The following LY9 variants were observed in gnomAD, a reference collection of about 807,000 sequenced individuals.
LY9 encodes T-lymphocyte surface antigen Ly-9.
LY9 carries 59 observed loss-of-function variants against 64.6 expected under a neutral mutation model. The observed-to-expected ratio is 0.91, with a 90% CI of 0.74 to 1.13. The LOEUF (loss-of-function observed/expected upper bound fraction) is 1.13, where lower values mean the gene tolerates loss of function less well. Ranked by LOEUF, LY9 falls within the 50% of genes most tolerant of loss-of-function variation. LY9 has a pLI of 0.00. For missense variants in LY9, 789 were observed against 797.2 expected, an observed-to-expected ratio of 0.99 and a Z score of 0.12; for synonymous variants, 281 against 308.5, an observed-to-expected ratio of 0.91 and a Z score of 0.93.
chr1:160,812,865 C>G (rs1667617043), intron 2 of LY9: 1 of 151,472 alleles, frequency 6.6e-6, no homozygotes, highest in South Asian at 2.1e-4. Flanking sequence ...GCAGACAGAT[C>G]ACCTGAGGTC....
rs1202920933 is a variant in LY9 at position 160,814,538 on chromosome 1, G to GC, written c.849_850insC (p.Phe284LeufsTer2). ...GGGACACAGAGAAGGTTGTCTGGTTGTTTAACACATCCATCATTAGCAAAG... is the reference window on the plus strand; with the variant it reads ...GGGACACAGAGAAGGTTGTCTGGTTGCTTTAACACATCCATCATTAGCAAAG... On this transcript the variant is annotated frameshift_variant, in exon 4 of 10. Coordinates refer to ENST00000263285, the MANE Select transcript of LY9 (RefSeq NM_002348.4). LOFTEE classifies it high-confidence loss of function. 3.1e-6 allele frequency: 5 copies of GC among 1,614,038 alleles called. No homozygotes were observed. Among genetic ancestry groups the GC allele is most frequent in the Non-Finnish European group, 4.2e-6 (5 of 1,180,046 alleles).
intron 2 of LY9, chr1:160,802,100 A>G: frequency 7.3e-7 from 1 of 1,379,230 alleles, no homozygotes; most frequent in Admixed American, 3.2e-5. Flanking sequence ...CACGTCGGGA[A>G]CACCGGAGCC....
intron 9 of LY9, among the ~76,000 whole-genome samples, chr1:160,827,531 T>C (rs1668923002): frequency 6.6e-6 from 1 of 152,232 alleles, no homozygotes; most frequent in African/African-American, 2.4e-5. Flanking sequence ...TGTCTTGTGT[T>C]GTCCTTGCAG....
chr1:160,802,039 C>T (rs934740562), intron 2 of LY9: 121 of 1,441,664 alleles, frequency 8.4e-5, no homozygotes, highest in Non-Finnish European at 3.6e-6. Flanking sequence ...CCCCCCGAGG[C>T]TGCTAGACGT....
At chr1:160,821,993 A>G (rs1001802443) in intron 7 of LY9, among the ~76,000 whole-genome samples, 3 of 152,216 alleles carry the variant, frequency 2.0e-5, no homozygotes, top group Non-Finnish European at 2.9e-5. Context: ...ATGGGGTTTT[A>G]GGCAGACTAA....
intron 2 of LY9, chr1:160,811,773 G>T (rs1667494250): frequency 1.3e-5 from 2 of 152,168 alleles, no homozygotes; most frequent in Admixed American, 1.3e-4. Flanking sequence ...TTCTGCTCAT[G>T]ATCACATATG....
rs776366488 is a variant in LY9 at position 160,801,911 on chromosome 1, G to C, written c.454+1829G>C. 3 of 1,613,190 alleles carry C rather than the reference G, an allele frequency of 1.9e-6. No homozygotes were observed. In the African/African-American group the frequency reaches 4.0e-5, roughly 22 times the overall value. ...CTGAGCCACGTGTGAGCGTGCGGGA[G>C]GGCTAGGCCCTCGCCCCCACCTGCC... On this transcript the variant is annotated intron_variant, in intron 2 of 9. Coordinates refer to ENST00000263285, the MANE Select transcript of LY9 (RefSeq NM_002348.4).
At chr1:160,826,040 C>T (rs1668835450) in intron 9 of LY9, among the ~76,000 whole-genome samples, 1 of 152,180 alleles carries the variant, frequency 6.6e-6, no homozygotes, top group South Asian at 2.1e-4. Context: ...TACTAACAGC[C>T]TACTGTTGAC....
At chr1:160,799,670 C>A in intron 1 of LY9, 83 bp from the exon 2 acceptor site, 2 of 821,152 alleles carry the variant, frequency 2.4e-6, no homozygotes, top group Non-Finnish European at 4.0e-6. Context: ...CATTTATGCC[C>A]AATGTATATT....
chr1:160,797,631 A>G (rs1666015615), intron 1 of LY9, among the ~76,000 whole-genome samples: 1 of 152,196 alleles, frequency 6.6e-6, no homozygotes. Context: ...GGATGACCTC[A>G]AATCTCACTC....
At chr1:160,824,895 G>C (rs184281424) in intron 9 of LY9, among the ~76,000 whole-genome samples, 3 of 151,186 alleles carry the variant, frequency 2.0e-5, no homozygotes, top group African/African-American at 7.3e-5. Context: ...CAGGAGAATG[G>C]CGTGAACCCA....
At chr1:160,825,741 C>T (rs1397073203) in intron 9 of LY9, among the ~76,000 whole-genome samples, 1 of 152,184 alleles carries the variant, frequency 6.6e-6, no homozygotes, top group Non-Finnish European at 1.5e-5. Flanking sequence ...AAAACCCCAT[C>T]TCTACTAAAA....
At chr1:160,804,694 T>C (rs932208889) in intron 2 of LY9, among the ~76,000 whole-genome samples, 2 of 152,208 alleles carry the variant, frequency 1.3e-5, no homozygotes, top group Admixed American at 6.5e-5. Flanking sequence ...TTGGTAGAAT[T>C]TGGCTGTGAC....
At chr1:160,820,561 G>T (rs984354832) in intron 7 of LY9, among the ~76,000 whole-genome samples, 4 of 152,124 alleles carry the variant, frequency 2.6e-5, no homozygotes, top group African/African-American at 9.7e-5. Context: ...AGAGACAGGG[G>T]GCAAGGAAGG....
chr1:160,799,803 C>G lies in LY9; in HGVS notation c.175C>G (p.Leu59Val), dbSNP rs913603549. Reference sequence around the variant, plus strand: ...AGCCCCAACAGTGGTGTCAGGGATCCTAGGGGGTTCCGTGACTCTCCCCCT... The same window carrying G: ...AGCCCCAACAGTGGTGTCAGGGATCGTAGGGGGTTCCGTGACTCTCCCCCT... ...DSAPTVVSGI[L>V]GGSVTLPLNI... The change falls in exon 2 of 10, where the codon CTA (leucine) becomes GTA (valine). Residue 59 changes from leucine (L) to valine (V), a missense_variant. Leu to Val is a conservative substitution (Grantham distance 32). Coordinates refer to ENST00000263285, the MANE Select transcript of LY9 (RefSeq NM_002348.4). 2.5e-6 allele frequency: 4 copies of G among 1,613,818 alleles called. No individual in the cohort carries two copies. The highest frequency in any genetic ancestry group is 1.7e-5 in the Admixed American group (1 of 60,018).
At chr1:160,811,175 C>A (rs6427548) in intron 2 of LY9, 57,863 of 152,102 alleles carry the variant, frequency 0.38, 11,850 homozygotes, top group Non-Finnish European at 0.48. Flanking sequence ...CTGCCTACTT[C>A]TGAACTGCCT....
Position 160,818,287 on chromosome 1 carries a change from T to G in LY9, c.1412T>G (p.Phe471Cys). Residue 471 changes from phenylalanine (F) to cysteine (C), a missense_variant, in exon 6 of 10, where the codon TTC becomes TGC. Physicochemically the swap from Phe to Cys is radical, Grantham distance 205. Coordinates refer to ENST00000263285, the MANE Select transcript of LY9 (RefSeq NM_002348.4). ...LMVCLLCVGI[F>C]SWCIWKRKGR... The stretch of plus-strand genomic sequence containing the variant: ...GTTTGCCTTCTGTGCGTTGGGATCT[T>G]CAGCTGGTGCATTTGGAAGCGAAAA... The G allele has an allele frequency of 6.2e-7, 1 of 1,614,120 alleles. No homozygotes were observed. Among genetic ancestry groups the G allele is most frequent in the Non-Finnish European group, 8.5e-7 (1 of 1,179,998 alleles).
intron 2 of LY9, chr1:160,812,274 GC>G (rs1251154619): frequency 6.6e-6 from 1 of 152,140 alleles, no homozygotes; most frequent in Non-Finnish European, 1.5e-5. Flanking sequence ...TCAGACTAGG[GC>G]CCACCCTAAT....
intron 2 of LY9, 143 bp downstream of exon 2, chr1:160,800,225 A>G (rs866897375): frequency 3.2e-6 from 2 of 628,752 alleles, no homozygotes; most frequent in Non-Finnish European, 5.6e-6. Context: ...GCCTGAGTAC[A>G]ATATATTCCT....
Sources: allele counts gnomAD v4.1 joint callset (sites outside exome capture counted in the v4.1 genomes callset), GRCh38; gene constraint gnomAD v4.1.1; transcripts MANE v1.5; gene names NCBI Gene and HGNC (gene_info 2026-07-23, HGNC 2026-07-21).